Variants in ITFG1 observed in about 807,000 individuals in gnomAD.
ITFG1 encodes the protein T-cell immunomodulatory protein.
A neutral mutation model predicts 81.8 loss-of-function variants in ITFG1; 34 were observed. The ratio of observed to expected loss-of-function variants is 0.42; its 90% confidence interval spans 0.32 to 0.55. The LOEUF (loss-of-function observed/expected upper bound fraction) is 0.55. Ranked by LOEUF, ITFG1 falls within the 20% of genes least tolerant of loss-of-function variation. The pLI, the probability that ITFG1 is intolerant of heterozygous loss-of-function variation, is 0.17. For missense variants in ITFG1, 672 were observed against 755.4 expected (o/e 0.89, Z 1.29); for synonymous variants, 285 against 270.6 (o/e 1.05, Z -0.52).
rs570456785 is a variant in ITFG1, at chr16:47,415,971, G to A, written c.655+12833C>T. On this transcript the variant is annotated intron_variant, in intron 6 of 17. Coordinates refer to ENST00000320640, the MANE Select transcript of ITFG1 (RefSeq NM_030790.5). ...TAGCTGGGCATGGTGGTGGGCGCCT[G>A]TAATCCCAGCTACTCAGGGGGCTGA... Among the ~76,000 whole-genome samples the A allele has an allele frequency of 5.3e-5, 8 of 152,162 alleles. 1 individual carries two copies. The highest frequency in any genetic ancestry group is 1.9e-4 in the African/African-American group (8 of 41,520).
chr16:47,441,762 A>G (rs1417330736), intron 5 of ITFG1, among the ~76,000 whole-genome samples: 1 of 151,994 alleles, frequency 6.6e-6, no homozygotes, highest in African/African-American at 2.4e-5. Flanking sequence ...CCCTTTGAAA[A>G]CTGGCACAAG....
At chr16:47,240,913 TAG>T (rs1286647966) in intron 12 of ITFG1, among the ~76,000 whole-genome samples, 1 of 152,180 alleles carries the variant, frequency 6.6e-6, no homozygotes, top group Non-Finnish European at 1.5e-5. Context: ...TTAATGGGTA[TAG>T]AGTTTCAGCT....
intron 6 of ITFG1, among the ~76,000 whole-genome samples, chr16:47,404,135 A>G (rs1003338448): frequency 6.6e-6 from 1 of 152,144 alleles, no homozygotes; most frequent in African/African-American, 2.4e-5. Context: ...TCTGGGGCCA[A>G]AAGGGTTGGG....
intron 13 of ITFG1, among the ~76,000 whole-genome samples, chr16:47,222,930 G>A (rs182348268): frequency 1.6e-4 from 25 of 152,192 alleles, no homozygotes; most frequent in East Asian, 5.8e-4. Context: ...AAATAACGCC[G>A]TATATCTACA....
At chr16:47,184,240 A>G (rs1295089834) in intron 14 of ITFG1, among the ~76,000 whole-genome samples, 10 of 152,200 alleles carry the variant, frequency 6.6e-5, no homozygotes. Flanking sequence ...CCAGTCTAGC[A>G]AGGAAGGCCA....
intron 10 of ITFG1, among the ~76,000 whole-genome samples, chr16:47,286,363 G>C (rs1966869358): frequency 6.6e-6 from 1 of 152,056 alleles, no homozygotes; most frequent in Non-Finnish European, 1.5e-5. Flanking sequence ...CCAGAGGCTG[G>C]GCGCGGTGGC....
At chr16:47,429,025 C>T in intron 5 of ITFG1, 127 bp from the exon 6 acceptor site, 1 of 625,504 alleles carries the variant, frequency 1.6e-6, no homozygotes, top group South Asian at 2.1e-5. Context: ...ACATACAATT[C>T]ATTCTCTTAA....
intron 8 of ITFG1, among the ~76,000 whole-genome samples, chr16:47,332,484 T>C (rs1362221989): frequency 1.3e-5 from 2 of 152,218 alleles, no homozygotes; most frequent in Non-Finnish European, 2.9e-5. Flanking sequence ...TGTAACTTGG[T>C]GTTTCATTTA....
intron 14 of ITFG1, chr16:47,218,497 T>C (rs1003376379): frequency 7.2e-5 from 11 of 153,136 alleles, no homozygotes; most frequent in African/African-American, 2.2e-4. Flanking sequence ...AGGAGTAGTT[T>C]ATATTATACT....
At chr16:47,350,787 C>T (rs1053255695) in intron 8 of ITFG1, among the ~76,000 whole-genome samples, 4 of 152,152 alleles carry the variant, frequency 2.6e-5, no homozygotes, top group African/African-American at 7.2e-5. Flanking sequence ...ACCAATATCC[C>T]TGATGAGCAT....
intron 16 of ITFG1, 76 bp downstream of exon 16, chr16:47,161,674 G>T (rs895418398): frequency 2.1e-6 from 2 of 944,778 alleles, no homozygotes; most frequent in Non-Finnish European, 3.5e-6. Context: ...ATATGAGAGA[G>T]CTTAAAAGAC....
intron 8 of ITFG1, among the ~76,000 whole-genome samples, chr16:47,315,528 T>C (rs1270395066): frequency 1.3e-5 from 2 of 152,262 alleles, no homozygotes; most frequent in Non-Finnish European, 2.9e-5. Context: ...TTATTCATAC[T>C]TTACTTCTCC....
At chr16:47,443,352 G>T (rs1235100917) in intron 5 of ITFG1, among the ~76,000 whole-genome samples, 1 of 152,160 alleles carries the variant, frequency 6.6e-6, no homozygotes, top group Admixed American at 6.5e-5. Flanking sequence ...ATTCCTCAGG[G>T]ATCTAGAACT....
chr16:47,437,039 C>T (rs536669449), intron 5 of ITFG1, among the ~76,000 whole-genome samples: 7 of 152,040 alleles, frequency 4.6e-5, no homozygotes, highest in African/African-American at 7.2e-5. Flanking sequence ...CAATAATATA[C>T]GGTTTAATAA....
At chr16:47,365,630 A>G (rs2151586820) in intron 8 of ITFG1, 158 bp downstream of exon 8, 1 of 508,308 alleles carries the variant, frequency 2.0e-6, no homozygotes, top group Non-Finnish European at 3.5e-6. Flanking sequence ...GACATGTCAC[A>G]TACAATACTA....
intron 12 of ITFG1, chr16:47,238,237 A>C (rs1243746694): frequency 8.5e-6 from 3 of 354,786 alleles, no homozygotes; most frequent in African/African-American, 6.5e-5. Flanking sequence ...TGAACTATAT[A>C]GGTGAGATAA....
intron 5 of ITFG1, among the ~76,000 whole-genome samples, chr16:47,430,004 C>G (rs1352424639): frequency 6.7e-6 from 1 of 149,298 alleles, no homozygotes; most frequent in East Asian, 2.0e-4. Context: ...GGCATTAGGC[C>G]TTTATCTAGT....
At chr16:47,286,407 AGGTG>A (rs1730474127) in intron 10 of ITFG1, among the ~76,000 whole-genome samples, 1 of 152,144 alleles carries the variant, frequency 6.6e-6, no homozygotes, top group Non-Finnish European at 1.5e-5. Flanking sequence ...TGGGAGGCCG[AGGTG>A]GGTGGATCAC....
intron 8 of ITFG1, chr16:47,365,549 T>C (rs16956093): frequency 0.051 from 20,183 of 395,774 alleles, 927 homozygotes; most frequent in African/African-American, 0.16. Context: ...GTTTTGCATA[T>C]TACTTCTGCA....
Sources: allele counts gnomAD v4.1 joint callset (sites outside exome capture counted in the v4.1 genomes callset), GRCh38; gene constraint gnomAD v4.1.1; transcripts MANE v1.5; gene names NCBI Gene and HGNC (gene_info 2026-07-23, HGNC 2026-07-21).